MTREX: variants seen among roughly 807,000 people sequenced by gnomAD.
MTREX encodes the protein Mtr4 exosome RNA helicase.
Under a neutral mutation model 135.4 loss-of-function variants are expected in MTREX, and 76 were observed. The ratio of observed to expected loss-of-function variants is 0.56; its 90% confidence interval spans 0.47 to 0.68. The LOEUF (loss-of-function observed/expected upper bound fraction) is 0.68, where lower values mean the gene tolerates loss of function less well. Ranked by LOEUF, MTREX falls within the 30% of genes least tolerant of loss-of-function variation. MTREX has a pLI of 0.00. For synonymous variants in MTREX, 404 were observed against 401.6 expected, an observed-to-expected ratio of 1.01 and a Z score of -0.07; for missense variants, 920 against 1,262.1, an observed-to-expected ratio of 0.73 and a Z score of 4.11.
intron 11 of MTREX, among the ~76,000 whole-genome samples, chr5:55,347,927 A>T (rs1749764466): frequency 6.6e-6 from 1 of 151,220 alleles, no homozygotes; most frequent in Non-Finnish European, 1.5e-5. Flanking sequence ...CCCATTTTCA[A>T]AACCATCAGA....
chr5:55,406,010 T>A (rs1208214218), intron 22 of MTREX, among the ~76,000 whole-genome samples: 2 of 152,202 alleles, frequency 1.3e-5, no homozygotes, highest in Non-Finnish European at 2.9e-5. Flanking sequence ...TTTCCCACCT[T>A]GAAACTTAGC....
intron 22 of MTREX, among the ~76,000 whole-genome samples, chr5:55,408,599 A>C (rs1030700622): frequency 6.6e-6 from 1 of 152,202 alleles, no homozygotes; most frequent in Non-Finnish European, 1.5e-5. Context: ...AATAAAGGCA[A>C]AGTTTACTTT....
chr5:55,362,091 T>G (rs1383392852), intron 15 of MTREX, among the ~76,000 whole-genome samples: 1 of 147,154 alleles, frequency 6.8e-6, no homozygotes, highest in Non-Finnish European at 1.5e-5. Flanking sequence ...TAATTTTTTT[T>G]TTTTTTTTTT....
chr5:55,366,817 G>T lies in MTREX; in HGVS notation c.1752G>T (p.Met584Ile). 1 of 1,609,876 alleles carries T rather than the reference G, an allele frequency of 6.2e-7. No individual in the cohort carries two copies. The highest frequency in any genetic ancestry group is 8.5e-7 in the Non-Finnish European group (1 of 1,177,886). ...TAGAAGAAATTAATCCTGAGTACATGTTGGAAAAATCCTTCTACCAGTTTC... is the reference window on the plus strand; with the variant it reads ...TAGAAGAAATTAATCCTGAGTACATTTTGGAAAAATCCTTCTACCAGTTTC... ...LRVEEINPEY[M>I]LEKSFYQFQH... is the part of the protein sequence containing the mutation. The change falls in exon 16 of 27, where the codon ATG becomes ATT. Residue 584 changes from methionine (M) to isoleucine (I), a missense_variant. By Grantham distance (10) the Met-to-Ile change is conservative. Coordinates refer to ENST00000230640, the MANE Select transcript of MTREX (RefSeq NM_015360.5).
chr5:55,321,776 T>C (rs1749293977), intron 1 of MTREX, among the ~76,000 whole-genome samples: 1 of 151,986 alleles, frequency 6.6e-6, no homozygotes, highest in South Asian at 2.1e-4. Flanking sequence ...ACCCAGCTCA[T>C]TTTTGTATTT....
intron 1 of MTREX, among the ~76,000 whole-genome samples, chr5:55,321,031 C>A (rs543704759): frequency 2.6e-4 from 39 of 152,098 alleles, no homozygotes; most frequent in African/African-American, 9.4e-4. Flanking sequence ...ATGCCATTCT[C>A]GTTAAAATTT....
At chr5:55,345,917 C>T (rs1472698462) in intron 10 of MTREX, among the ~76,000 whole-genome samples, 1 of 152,138 alleles carries the variant, frequency 6.6e-6, no homozygotes, top group Non-Finnish European at 1.5e-5. Context: ...ATATGCCCAT[C>T]GTGGCCTCCC....
chr5:55,423,879 T>C (rs1214370763), intron 26 of MTREX: 1 of 152,208 alleles, frequency 6.6e-6, no homozygotes, highest in Non-Finnish European at 1.5e-5. Context: ...AAGAAGAGGT[T>C]TGCAAAAACT....
chr5:55,410,747 G>A (rs1750874032), intron 23 of MTREX, 118 bp downstream of exon 23: 1 of 474,508 alleles, frequency 2.1e-6, no homozygotes, highest in South Asian at 6.4e-5. Context: ...AATGTTAATT[G>A]GAAATCACAG....
intron 19 of MTREX, among the ~76,000 whole-genome samples, chr5:55,391,917 A>T (rs1750573459): frequency 1.3e-5 from 2 of 152,166 alleles, no homozygotes; most frequent in Non-Finnish European, 2.9e-5. Flanking sequence ...TCAGGACTTA[A>T]ATATTAACTA....
chr5:55,374,910 A>G (rs772870792), intron 16 of MTREX, among the ~76,000 whole-genome samples: 1 of 152,206 alleles, frequency 6.6e-6, no homozygotes, highest in Non-Finnish European at 1.5e-5. Context: ...AGCTTGAGAA[A>G]TAAAGGGACA....
chr5:55,398,650 G>GA (rs1466319587), intron 20 of MTREX, among the ~76,000 whole-genome samples: 2 of 152,010 alleles, frequency 1.3e-5, no homozygotes, highest in East Asian at 3.8e-4. Context: ...CCATTATTTT[G>GA]AAAAAACTAA....
chr5:55,425,055 A>T lies in MTREX; in HGVS notation c.*283A>T. ...GATAACCACTGAGTTAAAGGTAACT[A>T]TGTACACACAAAGTGTGCATCCAAG... On this transcript the variant is annotated 3_prime_UTR_variant, in exon 27 of 27. Transcript: ENST00000230640. 9.5e-7 allele frequency: 1 copy of T among 1,052,310 alleles called. No homozygotes were observed. The highest frequency in any genetic ancestry group is 1.6e-5 in the South Asian group (1 of 61,624). The allele number at this position is 1,052,310 out of a possible 1,614,324, so 65.2% of individuals were successfully genotyped here.
chr5:55,424,659 T>TAG (rs1751119902), intron 26 of MTREX, 61 bp from the exon 27 acceptor site: 3 of 1,249,306 alleles, frequency 2.4e-6, no homozygotes, highest in Admixed American at 3.4e-5. Context: ...AAAATTTCGG[T>TAG]AGAGGCAAGT....
chr5:55,344,199 CA>C (rs1030122531), intron 8 of MTREX, among the ~76,000 whole-genome samples: 2 of 152,116 alleles, frequency 1.3e-5, no homozygotes, highest in African/African-American at 2.4e-5. Context: ...TCCTTTGTAT[CA>C]CCGTATACCT....
chr5:55,312,204 G>A (rs1186292175), intron 1 of MTREX, among the ~76,000 whole-genome samples: 3 of 152,084 alleles, frequency 2.0e-5, no homozygotes, highest in East Asian at 1.9e-4. Flanking sequence ...ATTAAAAAAG[G>A]CATTGTCTCA....
chr5:55,369,318 T>G (rs557896892), intron 16 of MTREX, among the ~76,000 whole-genome samples: 2 of 152,298 alleles, frequency 1.3e-5, no homozygotes, highest in South Asian at 4.1e-4. Context: ...AATTAAAGTA[T>G]TCCTCCTAAG....
intron 15 of MTREX, among the ~76,000 whole-genome samples, chr5:55,366,414 C>A (rs1750104962): frequency 6.6e-6 from 1 of 152,034 alleles, no homozygotes; most frequent in South Asian, 2.1e-4. Context: ...TGCTCGAGCC[C>A]AAGATTTCAA....
At chr5:55,355,581 G>A (rs773622889) in intron 14 of MTREX, among the ~76,000 whole-genome samples, 16 of 152,310 alleles carry the variant, frequency 1.1e-4, no homozygotes, top group Admixed American at 4.6e-4. Context: ...GGACCCTGGG[G>A]CAACCCTGCC....
Sources: gnomAD v4.1 joint callset for allele counts (sites outside exome capture counted in the v4.1 genomes callset) on GRCh38, gnomAD v4.1.1 for gene constraint, MANE v1.5 for transcripts, NCBI Gene and HGNC (gene_info 2026-07-23, HGNC 2026-07-21) for gene names.